Variants in BBS5 observed in about 807,000 individuals in gnomAD.
The protein encoded by BBS5 is Bardet-Biedl syndrome 5, also known as BBSome complex member BBS5.
BBS5 carries 39 observed loss-of-function variants against 50.2 expected under a neutral mutation model. The observed-to-expected ratio is 0.78, with a 90% CI of 0.60 to 1.01. The LOEUF (loss-of-function observed/expected upper bound fraction) is 1.01. BBS5 is among the 50% of genes least tolerant of loss of function. BBS5 has a pLI of 0.00. For synonymous variants in BBS5, 134 were observed against 133.1 expected, an observed-to-expected ratio of 1.01 and a Z score of -0.05; for missense variants, 356 against 401.5, an observed-to-expected ratio of 0.89 and a Z score of 0.97.
Position 169,506,148 on chromosome 2 carries a change from CCGGCCAGCCGCCCGG to C in BBS5, c.*1567_*1581del. 6.7e-6 allele frequency: 1 copy of C among 150,108 alleles called. No homozygotes were observed. Among genetic ancestry groups the C allele is most frequent in the Admixed American group, 6.7e-5 (1 of 14,990 alleles). 9.3% of individuals were successfully genotyped at this position (150,108 alleles called of 1,614,324 possible). ...GGAGGTGGGGGGGTCAGCCCCCCGC[CCGGCCAGCCGCCCGG>C]TCCGGGAGGGAGGTGGGGGGGTCAG... On this transcript the variant is annotated 3_prime_UTR_variant, in exon 12 of 12. Transcript: ENST00000295240.
Position 169,503,087 on chromosome 2 carries a change from A to G in BBS5, c.817-8A>G. On this transcript the variant is annotated splice_region_variant and splice_polypyrimidine_tract_variant and intron_variant, in intron 9 of 11. Coordinates refer to ENST00000295240, the MANE Select transcript of BBS5 (RefSeq NM_152384.3). ...CTCTGATGCATTTTAACATCTGCTGATTTTCAGCCCCAGCCGCTCGAAGCT... is the reference window on the plus strand; with the variant it reads ...CTCTGATGCATTTTAACATCTGCTGGTTTTCAGCCCCAGCCGCTCGAAGCT... 1 of 1,609,522 alleles carries G rather than the reference A, an allele frequency of 6.2e-7. No individual in the cohort carries two copies. The highest frequency in any genetic ancestry group is 8.5e-7 in the Non-Finnish European group (1 of 1,176,124).
At chr2:169,486,572 G>C (rs1446923193) in intron 2 of BBS5, among the ~76,000 whole-genome samples, 1 of 152,128 alleles carries the variant, frequency 6.6e-6, no homozygotes, top group Non-Finnish European at 1.5e-5. Context: ...GAACAAAATA[G>C]TTTGCTCACA....
intron 5 of BBS5, among the ~76,000 whole-genome samples, chr2:169,489,280 G>A (rs989158343): frequency 3.9e-5 from 6 of 151,930 alleles, no homozygotes; most frequent in Admixed American, 3.9e-4. Flanking sequence ...GGCCAATGTG[G>A]TGAAACCCTG....
In BBS5 at chr2:169,505,133, T is replaced by G; in HGVS notation, c.*551T>G. 1 of 768,444 alleles carries G rather than the reference T, an allele frequency of 1.3e-6. No homozygotes were observed. The highest frequency in any genetic ancestry group is 2.2e-6 in the Non-Finnish European group (1 of 461,904). 47.6% of individuals were successfully genotyped at this position (768,444 alleles called of 1,614,324 possible). A position where few individuals can be genotyped will look rare whatever the true frequency, so the allele number is the denominator to read the frequency against. Reference sequence around the variant, plus strand: ...CCACACCTGACTGGTTTTCGTATTTTTTTGGTGGAGACGGGGTTTCGCTGT... The same window carrying G: ...CCACACCTGACTGGTTTTCGTATTTGTTTGGTGGAGACGGGGTTTCGCTGT... On this transcript the variant is annotated 3_prime_UTR_variant, in exon 12 of 12. Transcript: ENST00000295240.
intron 7 of BBS5, among the ~76,000 whole-genome samples, chr2:169,495,379 G>A (rs1287980159): frequency 6.6e-6 from 1 of 152,132 alleles, no homozygotes; most frequent in Non-Finnish European, 1.5e-5. Flanking sequence ...AAACAACCTT[G>A]TGCTTTCTGT....
chr2:169,482,105 G>C, intron 1 of BBS5, 146 bp from the exon 2 acceptor site: 1 of 679,256 alleles, frequency 1.5e-6, no homozygotes, highest in Non-Finnish European at 2.7e-6. Context: ...AGTTCTTGAA[G>C]ACCTTATTTC....
intron 7 of BBS5, among the ~76,000 whole-genome samples, chr2:169,494,814 C>T (rs1412100051): frequency 6.6e-6 from 1 of 151,928 alleles, no homozygotes; most frequent in Non-Finnish European, 1.5e-5. Flanking sequence ...GATAATTGCC[C>T]TTATTGTAGG....
chr2:169,501,360 A>C lies in BBS5; in HGVS notation c.817-1735A>C, dbSNP rs79235597. Among the ~76,000 whole-genome samples the C allele has an allele frequency of 8.7e-3, 1,332 of 152,278 alleles. 26 individuals are homozygous for C. The highest frequency in any genetic ancestry group is 0.03 in the African/African-American group (1,256 of 41,534). ...ATGTTGCAGAACAAGCATGGTCCTT[A>C]GAACCTGACTTTCAATCCCAGTTTC... is the stretch of plus-strand genomic sequence containing the variant. On this transcript the variant is annotated intron_variant, in intron 9 of 11. Transcript: ENST00000295240.
intron 10 of BBS5, among the ~76,000 whole-genome samples, chr2:169,503,537 C>T (rs565724056): frequency 2.0e-5 from 3 of 152,210 alleles, no homozygotes; most frequent in South Asian, 2.1e-4. Context: ...TTTGAAAACA[C>T]AGTTATTCAG....
chr2:169,502,391 A>G lies in BBS5; in HGVS notation c.817-704A>G, dbSNP rs542567566. On this transcript the variant is annotated intron_variant, in intron 9 of 11. Transcript: ENST00000295240. ...TGAGCGTGGTTGAAACACTAAGGCT[A>G]TCCTCAGCTTTGTTATAACTGCTTT... is the stretch of plus-strand genomic sequence containing the variant. Among the ~76,000 whole-genome samples, 11 of 152,344 alleles carry G rather than the reference A, an allele frequency of 7.2e-5. No homozygotes were observed. The East Asian group carries it at 1.5e-3, about 21-fold the overall frequency.
chr2:169,492,436 G>A (rs1559123368), intron 5 of BBS5, among the ~76,000 whole-genome samples: 1 of 150,542 alleles, frequency 6.6e-6, no homozygotes, highest in African/African-American at 2.5e-5. Flanking sequence ...GTTGCAGTGA[G>A]CCAAGATTGC....
Position 169,505,608 on chromosome 2 carries a change from C to T in BBS5, c.*1026C>T, listed in dbSNP as rs1006420161. 1.9e-4 allele frequency: 49 copies of T among 252,412 alleles called. 1 individual carries two copies. The highest frequency in any genetic ancestry group is 3.5e-4 in the Admixed American group (7 of 19,854). The allele number at this position is 252,412 out of a possible 1,614,324, so 15.6% of individuals were successfully genotyped here. On this transcript the variant is annotated 3_prime_UTR_variant, in exon 12 of 12. Coordinates refer to ENST00000295240, the MANE Select transcript of BBS5 (RefSeq NM_152384.3). ...TGTGGGGAGCACCTCTGCCCGGCCG[C>T]GACCCCATTTGGGAGGTGAGGAGCA...
chr2:169,504,414 T>C, intron 11 of BBS5, 67 bp from the exon 12 acceptor site: 2 of 1,588,568 alleles, frequency 1.3e-6, no homozygotes, highest in South Asian at 2.2e-5. Flanking sequence ...AAACCTATTT[T>C]TTTGTTTTTT....
chr2:169,505,675 C>T lies in BBS5; in HGVS notation c.*1093C>T, dbSNP rs189676753. ...CCGTCTGAGAAGTGAGGAGACCCTCCGCCTGGCAACCGCCCCGTCTGATAA... is the reference window on the plus strand; with the variant it reads ...CCGTCTGAGAAGTGAGGAGACCCTCTGCCTGGCAACCGCCCCGTCTGATAA... On this transcript the variant is annotated 3_prime_UTR_variant, in exon 12 of 12. Coordinates refer to ENST00000295240, the MANE Select transcript of BBS5 (RefSeq NM_152384.3). 1,442 of 222,676 alleles carry T rather than the reference C, an allele frequency of 6.5e-3. 28 individuals carry two copies. The highest frequency in any genetic ancestry group is 0.032 in the African/African-American group (1,330 of 41,774). 13.8% of individuals were successfully genotyped at this position (222,676 alleles called of 1,614,324 possible).
At position 169,493,849 on chromosome 2, in the gene BBS5, A is replaced by G. The variant is rs1192086592; in HGVS notation, c.618+13A>G. The G allele has an allele frequency of 1.3e-6, 2 of 1,497,126 alleles. No individual in the cohort carries two copies. Among genetic ancestry groups the G allele is most frequent in the Non-Finnish European group, 1.9e-6 (2 of 1,074,604 alleles). The allele number at this position is 1,497,126 out of a possible 1,614,324, so 92.7% of individuals were successfully genotyped here. A position where few individuals can be genotyped will look rare whatever the true frequency, so the allele number is the denominator to read the frequency against. On this transcript the variant is annotated intron_variant, in intron 7 of 11. Coordinates refer to ENST00000295240, the MANE Select transcript of BBS5 (RefSeq NM_152384.3). ...ATATCTGCAAATTGTAAGTACATACATTTTGATGACCTTATTTTAATGTAA... is the reference window on the plus strand; with the variant it reads ...ATATCTGCAAATTGTAAGTACATACGTTTTGATGACCTTATTTTAATGTAA...
chr2:169,501,554 T>C (rs1380966292), intron 9 of BBS5, among the ~76,000 whole-genome samples: 1 of 152,014 alleles, frequency 6.6e-6, no homozygotes. Context: ...TAAGACAACA[T>C]AGTGACACCC....
intron 2 of BBS5, among the ~76,000 whole-genome samples, chr2:169,484,747 A>G (rs1285476202): frequency 2.0e-5 from 3 of 152,232 alleles, no homozygotes; most frequent in Non-Finnish European, 4.4e-5. Flanking sequence ...CATAAGGAAA[A>G]TATAACCAAT....
chr2:169,489,851 C>CTT (rs71003093), intron 5 of BBS5, among the ~76,000 whole-genome samples: 5 of 65,902 alleles, frequency 7.6e-5, no homozygotes, highest in African/African-American at 4.1e-4. Context: ...CATAAATTTC[C>CTT]TTTTTTTTTT....
At position 169,493,719 on chromosome 2, in the gene BBS5, ATC is replaced by A; in HGVS notation, c.523-19_523-18del. The A allele has an allele frequency of 6.7e-7, 1 of 1,483,594 alleles. No individual in the cohort carries two copies. Among genetic ancestry groups the A allele is most frequent in the Non-Finnish European group, 9.4e-7 (1 of 1,061,100 alleles). 91.9% of individuals were successfully genotyped at this position (1,483,594 alleles called of 1,614,324 possible). On this transcript the variant is annotated intron_variant, in intron 6 of 11. Coordinates refer to ENST00000295240, the MANE Select transcript of BBS5 (RefSeq NM_152384.3). ...GTACCAAAAAAATGATCATTTCGGT[ATC>A]TCATTACTGTTTTTTACAGGGCAAT...
Sources: allele counts gnomAD v4.1 joint callset (sites outside exome capture counted in the v4.1 genomes callset), GRCh38; gene constraint gnomAD v4.1.1; transcripts MANE v1.5; gene names NCBI Gene and HGNC (gene_info 2026-07-23, HGNC 2026-07-21).